Variants in DBF4B observed in about 807,000 individuals in gnomAD.
DBF4B encodes the protein protein DBF4 homolog B.
A neutral mutation model predicts 53.4 loss-of-function variants in DBF4B; 49 were observed. The observed-to-expected ratio is 0.92, with a 90% confidence interval of 0.73 to 1.16. The LOEUF is 1.16. Ranked by LOEUF, DBF4B falls within the 50% of genes most tolerant of loss-of-function variation. The pLI, the probability that DBF4B is intolerant of heterozygous loss-of-function variation, is 0.00. For synonymous variants in DBF4B, 257 were observed against 288.7 expected (o/e 0.89, Z 1.11); for missense variants, 692 against 775.0 (o/e 0.89, Z 1.27).
intron 12 of DBF4B, among the ~76,000 whole-genome samples, chr17:44,748,068 G>T (rs2049154499): frequency 1.3e-5 from 2 of 152,220 alleles, no homozygotes; most frequent in African/African-American, 4.8e-5. Flanking sequence ...AAAGGGCACA[G>T]CCTCCTCTGT....
Position 44,748,468 on chromosome 17 carries a change from AT to A in DBF4B, c.1189+4del. 1 of 1,613,928 alleles carries A rather than the reference AT, an allele frequency of 6.2e-7. No individual in the cohort carries two copies. Among genetic ancestry groups the A allele is most frequent in the Non-Finnish European group, 8.5e-7 (1 of 1,179,846 alleles). On this transcript the variant is annotated splice_donor_region_variant and intron_variant, in intron 13 of 13. Transcript: ENST00000315005. Reference sequence around the variant, plus strand: ...AGAAGACAGCTGCCAGGCATCAGGTATCCCAGAGCAGGATGGGACAGTGGAC... The same window carrying A: ...AGAAGACAGCTGCCAGGCATCAGGTACCCAGAGCAGGATGGGACAGTGGAC...
intron 2 of DBF4B, among the ~76,000 whole-genome samples, chr17:44,710,398 TGTA>T (rs1435694321): frequency 6.6e-6 from 1 of 152,160 alleles, no homozygotes; most frequent in Non-Finnish European, 1.5e-5. Flanking sequence ...ATTTCAGCCT[TGTA>T]GTAAAATTTA....
At position 44,723,036 on chromosome 17, in the gene DBF4B, T is replaced by C; in HGVS notation, c.225+14T>C. Reference sequence around the variant, plus strand: ...CAACTGGGTGGGGTAGGTAACCTGCTCTTCTCCTGCGATGCCATGTGCCTT... The same window carrying C: ...CAACTGGGTGGGGTAGGTAACCTGCCCTTCTCCTGCGATGCCATGTGCCTT... On this transcript the variant is annotated intron_variant, in intron 3 of 13. Coordinates refer to ENST00000315005, the MANE Select transcript of DBF4B (RefSeq NM_145663.3). 1.2e-6 allele frequency: 2 copies of C among 1,613,636 alleles called. No homozygotes were observed. Among genetic ancestry groups the C allele is most frequent in the Non-Finnish European group, 1.7e-6 (2 of 1,179,762 alleles).
chr17:44,734,235 C>T, intron 7 of DBF4B, 72 bp downstream of exon 7: 1 of 1,580,852 alleles, frequency 6.3e-7, no homozygotes, highest in Non-Finnish European at 8.7e-7. Context: ...TAGGTAAATC[C>T]ATGGCCCACC....
intron 3 of DBF4B, among the ~76,000 whole-genome samples, chr17:44,727,914 C>T (rs1236205259): frequency 3.2e-5 from 4 of 125,632 alleles, no homozygotes; most frequent in Non-Finnish European, 4.8e-5. Flanking sequence ...GACGAAGTTT[C>T]ACCATGTTGG....
chr17:44,720,241 G>C, intron 2 of DBF4B: 1 of 332,274 alleles, frequency 3.0e-6, no homozygotes, highest in South Asian at 3.3e-5. Flanking sequence ...AGCTTTAGAG[G>C]CACATCTTCA....
intron 10 of DBF4B, among the ~76,000 whole-genome samples, chr17:44,744,664 G>T (rs1976429804): frequency 6.6e-6 from 1 of 152,130 alleles, no homozygotes. Flanking sequence ...GCTTTTCATG[G>T]AGCGGATACC....
At chr17:44,728,720 T>C (rs1304584148) in intron 3 of DBF4B, among the ~76,000 whole-genome samples, 1 of 151,150 alleles carries the variant, frequency 6.6e-6, no homozygotes, top group African/African-American at 2.4e-5. Flanking sequence ...GGGAGGCTGA[T>C]GTAGGAGAAT....
At chr17:44,739,479 T>G (rs1028586440) in intron 9 of DBF4B, among the ~76,000 whole-genome samples, 2 of 152,120 alleles carry the variant, frequency 1.3e-5, no homozygotes, top group Non-Finnish European at 2.9e-5. Flanking sequence ...CTGCAGACAG[T>G]GCTGCGCTGG....
intron 10 of DBF4B, among the ~76,000 whole-genome samples, chr17:44,746,561 G>C (rs1976617058): frequency 6.6e-6 from 1 of 152,116 alleles, no homozygotes; most frequent in Non-Finnish European, 1.5e-5. Flanking sequence ...GCTCACACCT[G>C]TAATCCCAGC....
chr17:44,733,297 A>G (rs1975026324), intron 6 of DBF4B, among the ~76,000 whole-genome samples: 1 of 152,230 alleles, frequency 6.6e-6, no homozygotes, highest in Admixed American at 6.5e-5. Flanking sequence ...GGATTAGGCA[A>G]ATTGTCCATG....
chr17:44,735,265 C>T (rs149636077), intron 7 of DBF4B, among the ~76,000 whole-genome samples: 14 of 152,344 alleles, frequency 9.2e-5, no homozygotes, highest in African/African-American at 3.4e-4. Context: ...TCCTCAACCA[C>T]TGACCTTCCT....
chr17:44,737,221 G>A (rs1252960966), intron 8 of DBF4B, among the ~76,000 whole-genome samples: 3 of 152,130 alleles, frequency 2.0e-5, no homozygotes, highest in East Asian at 1.9e-4. Context: ...GCTGCCTACC[G>A]TTTTCAGAAC....
rs1228573386 is a variant in DBF4B, at chr17:44,734,176, G to C, written c.630+13G>C. 1.2e-6 allele frequency: 2 copies of C among 1,614,204 alleles called. No homozygotes were observed. The highest frequency in any genetic ancestry group is 2.2e-5 in the South Asian group (2 of 91,076). ...AAAGAAGCCAGAGGTAGGTCATCCT[G>C]CTGAACTGAAGGACAAATGGATGGT... On this transcript the variant is annotated intron_variant, in intron 7 of 13. Coordinates refer to ENST00000315005, the MANE Select transcript of DBF4B (RefSeq NM_145663.3).
intron 7 of DBF4B, among the ~76,000 whole-genome samples, chr17:44,734,514 G>C (rs1975164552): frequency 6.6e-6 from 1 of 152,232 alleles, no homozygotes; most frequent in Non-Finnish European, 1.5e-5. Context: ...TCCCTGTACA[G>C]CCTCTAGACT....
chr17:44,751,785 A>G lies in DBF4B; in HGVS notation c.*532A>G. The G allele has an allele frequency of 6.6e-7, 1 of 1,513,402 alleles. No homozygotes were observed. The highest frequency in any genetic ancestry group is 8.8e-7 in the Non-Finnish European group (1 of 1,134,240). The allele number at this position is 1,513,402 out of a possible 1,614,324, so 93.7% of individuals were successfully genotyped here. A position where few individuals can be genotyped will look rare whatever the true frequency, so the allele number is the denominator to read the frequency against. On this transcript the variant is annotated 3_prime_UTR_variant, in exon 14 of 14. Transcript: ENST00000315005. ...CACTAAGATCATCTATTCCAAGGTCATGGACAGGCTACTGGTGACCAAAGT... is the reference window on the plus strand; with the variant it reads ...CACTAAGATCATCTATTCCAAGGTCGTGGACAGGCTACTGGTGACCAAAGT...
chr17:44,734,454 T>A (rs893934860), intron 7 of DBF4B, among the ~76,000 whole-genome samples: 2 of 152,226 alleles, frequency 1.3e-5, no homozygotes, highest in African/African-American at 4.8e-5. Context: ...CTGGACCAGA[T>A]AAAGTTCATA....
intron 2 of DBF4B, among the ~76,000 whole-genome samples, chr17:44,712,654 TG>T (rs1315904384): frequency 1.1e-4 from 17 of 152,112 alleles, no homozygotes; most frequent in Admixed American, 2.6e-4. Context: ...TTAGCCAGGA[TG>T]GTCTCGATTG....
chr17:44,748,350 T>C lies in DBF4B; in HGVS notation c.1074T>C (p.Gly358=). 1 of 1,598,720 alleles carries C rather than the reference T, an allele frequency of 6.3e-7. No individual in the cohort carries two copies. The highest frequency in any genetic ancestry group is 1.1e-5 in the South Asian group (1 of 88,234). ...PFQAGLPRWS[G]SPASDCDPLC... ...GTTTCTGTCCCAACAGGTGGTCAGG[T>C]TCCCCAGCTTCTGATTGTGACCCTC... The change falls in exon 13 of 14, where the codon GGT becomes GGC. Residue 358 remains glycine (G), a synonymous_variant. Coordinates refer to ENST00000315005, the MANE Select transcript of DBF4B (RefSeq NM_145663.3).
Sources: gnomAD v4.1 joint callset for allele counts (sites outside exome capture counted in the v4.1 genomes callset) on GRCh38, gnomAD v4.1.1 for gene constraint, MANE v1.5 for transcripts, NCBI Gene and HGNC (gene_info 2026-07-23, HGNC 2026-07-21) for gene names.